Variants in ADGRB2 observed in about 807,000 individuals in gnomAD.
The protein encoded by ADGRB2 is brain-specific angiogenesis inhibitor 2.
Under a neutral mutation model 178.7 loss-of-function variants are expected in ADGRB2, and 47 were observed. That is an observed-to-expected ratio of 0.26 (90% CI 0.21 to 0.34). The LOEUF (loss-of-function observed/expected upper bound fraction) is 0.34. Ranked by LOEUF, ADGRB2 falls within the 10% of genes least tolerant of loss-of-function variation. The probability of loss-of-function intolerance (pLI) is 1.00; values close to 1 mark genes in which losing one functional copy is unlikely to be tolerated. For synonymous variants in ADGRB2, 870 were observed against 912.4 expected (o/e 0.95, Z 0.84); for missense variants, 1,584 against 2,180.8 (o/e 0.73, Z 5.45).
rs909001 is a variant in ADGRB2 at position 31,731,046 on chromosome 1, C to T, written c.4134G>A (p.Pro1378=). The stretch of plus-strand genomic sequence containing the variant: ...TGGCAGCTCGCCGGGGGGTCCCCTC[C>T]GGCCGGGCCCTGGGGGCATCCTCAC... ...GGGEDAPRAR[P]EGTPRRAAKT... The change falls in exon 29 of 33, where the codon CCG becomes CCA. Residue 1378 remains proline (P), a synonymous_variant. Coordinates refer to ENST00000373658, the MANE Select transcript of ADGRB2 (RefSeq NM_001364857.2). 145 of 1,584,238 alleles carry T rather than the reference C, an allele frequency of 9.2e-5. No homozygotes were observed. The East Asian group carries it at 1.6e-3, about 18-fold the overall frequency.
Position 31,756,433 on chromosome 1 carries a change from G to A in ADGRB2, c.404C>T (p.Ala135Val), listed in dbSNP as rs753123086. The change falls in exon 4 of 33, where the codon GCG (alanine) becomes GTG (valine). Residue 135 changes from alanine to valine, a missense_variant. This residue lies in a region of ADGRB2 where 657 missense variants were observed against 847.6 expected (regional missense o/e 0.78). Coordinates refer to ENST00000373658, the MANE Select transcript of ADGRB2 (RefSeq NM_001364857.2). The surrounding 1 kb of genome is among the most constrained non-coding windows in gnomAD (Gnocchi z 8.5). ...VGRPEEEEAE[A>V]AAGLELCSGS... ...GCTGCACAGCTCCAACCCCGCTGCC[G>A]CCTCTGCCTCCTCCTCTTCTGGCCG... 28 of 1,611,736 alleles carry A rather than the reference G, an allele frequency of 1.7e-5. No individual in the cohort carries two copies. Among genetic ancestry groups the A allele is most frequent in the East Asian group, 8.9e-5 (4 of 44,836 alleles).
In ADGRB2 at chr1:31,727,625, G is replaced by C. The variant is rs199700178; in HGVS notation, c.4573-20C>G. ...CTTATCCTGTGGAGGGAGCGGGAGGGGCCGTGGAGATGGGCCAATATCCTT... is the reference window on the plus strand; with the variant it reads ...CTTATCCTGTGGAGGGAGCGGGAGGCGCCGTGGAGATGGGCCAATATCCTT... On this transcript the variant is annotated intron_variant, in intron 32 of 32. Coordinates refer to ENST00000373658, the MANE Select transcript of ADGRB2 (RefSeq NM_001364857.2). The surrounding 1 kb of genome is among the most constrained non-coding windows in gnomAD (Gnocchi z 4.4). 290 of 1,486,990 alleles carry C rather than the reference G, an allele frequency of 2.0e-4. 3 individuals carry two copies. In the East Asian group the frequency reaches 6.8e-3, roughly 35 times the overall value. The allele number at this position is 1,486,990 out of a possible 1,614,324, so 92.1% of individuals were successfully genotyped here. A position where few individuals can be genotyped will look rare whatever the true frequency, so the allele number is the denominator to read the frequency against.
chr1:31,742,742 CA>C, intron 7 of ADGRB2, 95 bp downstream of exon 7: 1 of 1,338,444 alleles, frequency 7.5e-7, no homozygotes, highest in Non-Finnish European at 9.7e-7. Flanking sequence ...AAGGGGCCCC[CA>C]GGGGCAGGTC....
At position 31,741,446 on chromosome 1, in the gene ADGRB2, T is replaced by C. The variant is rs778808054; in HGVS notation, c.1721A>G (p.Gln574Arg). The C allele has an allele frequency of 1.9e-6, 3 of 1,603,800 alleles. No homozygotes were observed. The highest frequency in any genetic ancestry group is 1.7e-5 in the Admixed American group (1 of 58,330). ...SASRRCLLSA[Q>R]GVAYWGLPSF... ...GGGCAGCCCCCAGTACGCCACGCCTTGGGCACTGAGGAGACAGCGGCGGCT... is the reference window on the plus strand; with the variant it reads ...GGGCAGCCCCCAGTACGCCACGCCTCGGGCACTGAGGAGACAGCGGCGGCT... The change falls in exon 11 of 33, where the codon CAA becomes CGA. Residue 574 changes from glutamine (Q) to arginine (R), a missense_variant. By Grantham distance (43) the Gln-to-Arg change is conservative. Transcript: ENST00000373658. This position sits in a 1 kb window ranked among gnomAD's most constrained non-coding sequence, Gnocchi z 6.5.
intron 4 of ADGRB2, among the ~76,000 whole-genome samples, chr1:31,752,053 T>C (rs1037832073): frequency 2.0e-5 from 3 of 152,192 alleles, no homozygotes; most frequent in Non-Finnish European, 2.9e-5. Flanking sequence ...ACTCAGCTAG[T>C]CAGTGGTAAG....
At chr1:31,743,896 G>C (rs1646126138) in intron 6 of ADGRB2, among the ~76,000 whole-genome samples, 1 of 152,246 alleles carries the variant, frequency 6.6e-6, no homozygotes, top group African/African-American at 2.4e-5. Flanking sequence ...GCAAGCTACT[G>C]ATATGGCCAG....
Position 31,731,038 on chromosome 1 carries a change from G to A in ADGRB2, c.4142C>T (p.Thr1381Ile), listed in dbSNP as rs1355098447. The A allele has an allele frequency of 1.3e-6, 2 of 1,585,540 alleles. No homozygotes were observed. Among genetic ancestry groups the A allele is most frequent in the Non-Finnish European group, 1.7e-6 (2 of 1,163,640 alleles). ...EDAPRARPEGTPRRAAKTVAH... is the reference protein window; with the variant it reads ...EDAPRARPEGIPRRAAKTVAH... ...CACTGTCTTGGCAGCTCGCCGGGGG[G>A]TCCCCTCCGGCCGGGCCCTGGGGGC... is the stretch of plus-strand genomic sequence containing the variant. The change falls in exon 29 of 33, where the codon ACC (threonine) becomes ATC (isoleucine). Residue 1381 changes from threonine (T) to isoleucine (I), a missense_variant. By Grantham distance (89) the Thr-to-Ile change is moderately conservative. Transcript: ENST00000373658.
rs1277378946 is a variant in ADGRB2 at position 31,761,370 on chromosome 1, C to A, written c.-191+2514G>T. Among the ~76,000 whole-genome samples the A allele has an allele frequency of 2.0e-5, 3 of 152,218 alleles. No homozygotes were observed. The highest frequency in any genetic ancestry group is 7.2e-5 in the African/African-American group (3 of 41,456). ...CTAACTCTGACCCAAGGCAAAGGGC[C>A]CTGGGAAATTCCTGATGGTGTCTGA... On this transcript the variant is annotated intron_variant, in intron 1 of 32. Transcript: ENST00000373658. This position sits in a 1 kb window ranked among gnomAD's most constrained non-coding sequence, Gnocchi z 4.2.
At chr1:31,750,714 A>G (rs921692459) in intron 4 of ADGRB2, among the ~76,000 whole-genome samples, 4 of 151,578 alleles carry the variant, frequency 2.6e-5, no homozygotes, top group Non-Finnish European at 5.9e-5. Flanking sequence ...ATGTCCCCCC[A>G]TGGCACCCCA....
In ADGRB2 at chr1:31,741,616, C is replaced by G. The variant is rs778130989; in HGVS notation, c.1687+8G>C. 1 of 1,612,918 alleles carries G rather than the reference C, an allele frequency of 6.2e-7. No homozygotes were observed. Among genetic ancestry groups the G allele is most frequent in the South Asian group, 1.1e-5 (1 of 90,918 alleles). ...TGGTGGTGGTGGGGAAAGCCACCTGCCCCTTACCTGAGGCATTCGGGGGGC... is the reference window on the plus strand; with the variant it reads ...TGGTGGTGGTGGGGAAAGCCACCTGGCCCTTACCTGAGGCATTCGGGGGGC... On this transcript the variant is annotated splice_region_variant and intron_variant, in intron 10 of 32. Coordinates refer to ENST00000373658, the MANE Select transcript of ADGRB2 (RefSeq NM_001364857.2). This position sits in a 1 kb window ranked among gnomAD's most constrained non-coding sequence, Gnocchi z 6.5.
Position 31,742,996 on chromosome 1 carries a change from C to T in ADGRB2, c.1094G>A (p.Gly365Asp). The T allele has an allele frequency of 6.7e-7, 1 of 1,500,278 alleles. No individual in the cohort carries two copies. Among genetic ancestry groups the T allele is most frequent in the Non-Finnish European group, 8.9e-7 (1 of 1,120,582 alleles). The allele number at this position is 1,500,278 out of a possible 1,614,324, so 92.9% of individuals were successfully genotyped here. ...CNNSATCPVH[G>D]VWEEWGSWSL... The stretch of plus-strand genomic sequence containing the variant: ...CCAGGACCCCCACTCCTCCCACACG[C>T]CGTGCACTGCAAGGAAGCACGTGGC... The change falls in exon 7 of 33, where the codon GGC becomes GAC. Residue 365 changes from glycine to aspartate, a missense_variant. Physicochemically the swap from Gly to Asp is moderately conservative, Grantham distance 94. Transcript: ENST00000373658.
intron 27 of ADGRB2, 139 bp downstream of exon 27, chr1:31,732,378 G>T: frequency 8.5e-7 from 1 of 1,170,340 alleles, no homozygotes; most frequent in Non-Finnish European, 1.2e-6. Flanking sequence ...CCACCCAGGT[G>T]TTAGTGGCTG....
At position 31,727,794 on chromosome 1, in the gene ADGRB2, C is replaced by G. The variant is rs1435154764; in HGVS notation, c.4573-189G>C. On this transcript the variant is annotated intron_variant, in intron 32 of 32. Transcript: ENST00000373658. This position sits in a 1 kb window ranked among gnomAD's most constrained non-coding sequence, Gnocchi z 4.4. Reference sequence around the variant, plus strand: ...GGCTCCTGACCCCTGTTCTCAGTGGCCCCCAGGACATGTCTCCTGCTGACC... The same window carrying G: ...GGCTCCTGACCCCTGTTCTCAGTGGGCCCCAGGACATGTCTCCTGCTGACC... The G allele has an allele frequency of 4.7e-6, 4 of 845,072 alleles. No homozygotes were observed. The highest frequency in any genetic ancestry group is 7.1e-6 in the Non-Finnish European group (4 of 564,502). The allele number at this position is 845,072 out of a possible 1,614,324, so 52.3% of individuals were successfully genotyped here.
Position 31,741,857 on chromosome 1 carries a change from A to T in ADGRB2, c.1528T>A (p.Tyr510Asn). 6.2e-7 allele frequency: 1 copy of T among 1,609,852 alleles called. No homozygotes were observed. Among genetic ancestry groups the T allele is most frequent in the Admixed American group, 1.7e-5 (1 of 59,798 alleles). The change falls in exon 9 of 33, where the codon TAC (tyrosine) becomes AAC (asparagine). Residue 510 changes from tyrosine to asparagine, a missense_variant. This residue lies in a region of ADGRB2 where 657 missense variants were observed against 847.6 expected (regional missense o/e 0.78). Coordinates refer to ENST00000373658, the MANE Select transcript of ADGRB2 (RefSeq NM_001364857.2). This position sits in a 1 kb window ranked among gnomAD's most constrained non-coding sequence, Gnocchi z 6.5. Reference sequence around the variant, plus strand: ...TCCTCTCCGGTGCCCTCGCAGGGGTAGCCCTGCGTGCCCGTGGCCTGGCAC... The same window carrying T: ...TCCTCTCCGGTGCCCTCGCAGGGGTTGCCCTGCGTGCCCGTGGCCTGGCAC... The part of the protein sequence containing the change: ...RMCQATGTQG[Y>N]PCEGTGEEVK...
chr1:31,741,886 C>T lies in ADGRB2; in HGVS notation c.1499G>A (p.Arg500His), dbSNP rs1222903561. ...CTGCGTGCCCGTGGCCTGGCACATG[C>T]GGAAGCGGCGCTGCCAGCCTGTGTC... The part of the protein sequence containing the change: ...TCDTGWQRRF[R>H]MCQATGTQGY... The change falls in exon 9 of 33, where the codon CGC (arginine) becomes CAC (histidine). Residue 500 changes from arginine to histidine, a missense_variant. Transcript: ENST00000373658. The surrounding 1 kb of genome is among the most constrained non-coding windows in gnomAD (Gnocchi z 6.5). 8 of 1,611,448 alleles carry T rather than the reference C, an allele frequency of 5.0e-6. No individual in the cohort carries two copies. Among genetic ancestry groups the T allele is most frequent in the Non-Finnish European group, 3.4e-6 (4 of 1,178,146 alleles).
chr1:31,757,117 TG>T, intron 3 of ADGRB2, 83 bp downstream of exon 3: 1 of 1,600,902 alleles, frequency 6.2e-7, no homozygotes, highest in Non-Finnish European at 8.6e-7. Flanking sequence ...CAGTAGTTGT[TG>T]TTGCCATCGT....
intron 27 of ADGRB2, 120 bp from the exon 28 acceptor site, chr1:31,732,274 G>T: frequency 1.4e-6 from 2 of 1,397,364 alleles, no homozygotes; most frequent in Non-Finnish European, 2.0e-6. Context: ...GCTGCCCATG[G>T]CCCATAGCCC....
chr1:31,744,878 G>A lies in ADGRB2; in HGVS notation c.839-147C>T. The A allele has an allele frequency of 1.3e-6, 1 of 758,672 alleles. No homozygotes were observed. Among genetic ancestry groups the A allele is most frequent in the East Asian group, 2.7e-5 (1 of 37,280 alleles). 47.0% of individuals were successfully genotyped at this position (758,672 alleles called of 1,614,324 possible). A position where few individuals can be genotyped will look rare whatever the true frequency, so the allele number is the denominator to read the frequency against. On this transcript the variant is annotated intron_variant, in intron 4 of 32. Transcript: ENST00000373658. This position sits in a 1 kb window ranked among gnomAD's most constrained non-coding sequence, Gnocchi z 6.7. ...CTCTCAGGATCACATTCTGCCCTCT[G>A]CCCCACCACCACTATTTCACAGACA...
Position 31,755,919 on chromosome 1 carries a change from C to T in ADGRB2, c.838+80G>A, listed in dbSNP as rs897457698. 1.9e-5 allele frequency: 29 copies of T among 1,519,914 alleles called. No individual in the cohort carries two copies. Among genetic ancestry groups the T allele is most frequent in the African/African-American group, 1.7e-4 (12 of 72,390 alleles). 94.2% of individuals were successfully genotyped at this position (1,519,914 alleles called of 1,614,324 possible). On this transcript the variant is annotated intron_variant, in intron 4 of 32. Transcript: ENST00000373658. The surrounding 1 kb of genome is among the most constrained non-coding windows in gnomAD (Gnocchi z 5.1). ...ATCAGTGAACAGCTACATGCATGGC[C>T]GAGGATCTGCCAGGATGGACACCAG...
Sources: gnomAD v4.1 joint callset for allele counts (sites outside exome capture counted in the v4.1 genomes callset) on GRCh38, gnomAD v4.1.1 for gene constraint, gnomAD v4.1.1 regional missense constraint, Gnocchi (gnomAD v3.1) non-coding constraint, MANE v1.5 for transcripts, NCBI Gene and HGNC (gene_info 2026-07-23, HGNC 2026-07-21) for gene names.